Variants in TRHDE observed in about 807,000 individuals in gnomAD.
The protein encoded by TRHDE is thyrotropin releasing hormone degrading enzyme.
Under a neutral mutation model 125.7 loss-of-function variants are expected in TRHDE, and 72 were observed. The ratio of observed to expected loss-of-function variants is 0.57; its 90% CI spans 0.47 to 0.70. The LOEUF is 0.70. TRHDE is among the 30% of genes least tolerant of loss of function. The pLI is 0.00. For synonymous variants in TRHDE, 509 were observed against 509.1 expected (o/e 1.00, Z 0.00); for missense variants, 1,110 against 1,327.1 (o/e 0.84, Z 2.54).
chr12:72,512,119 G>C (rs752113044), intron 6 of TRHDE, among the ~76,000 whole-genome samples: 3 of 151,978 alleles, frequency 2.0e-5, no homozygotes, highest in Non-Finnish European at 2.9e-5. Context: ...CGCTGGCTTT[G>C]TGAGAGCCAA....
At chr12:72,167,646 T>C (rs1231367140) in intron 2 of TRHDE, 1 of 152,226 alleles carries the variant, frequency 6.6e-6, no homozygotes, top group East Asian at 1.9e-4. Flanking sequence ...GACTCATTTA[T>C]GACAGCATGT....
intron 6 of TRHDE, among the ~76,000 whole-genome samples, chr12:72,508,187 A>T (rs962677677): frequency 6.6e-6 from 1 of 152,124 alleles, no homozygotes; most frequent in African/African-American, 2.4e-5. Context: ...CCCACACAGA[A>T]TCCCCTCTGG....
chr12:72,381,053 C>T (rs1260981417), intron 3 of TRHDE, among the ~76,000 whole-genome samples: 1 of 152,104 alleles, frequency 6.6e-6, no homozygotes, highest in East Asian at 1.9e-4. Context: ...AACTTTGTCC[C>T]TCAGGTGCAT....
At chr12:72,322,549 TG>T (rs1238787094) in intron 2 of TRHDE, among the ~76,000 whole-genome samples, 2 of 152,110 alleles carry the variant, frequency 1.3e-5, no homozygotes, top group Non-Finnish European at 2.9e-5. Context: ...TATGTATTGA[TG>T]GGTTGACAAA....
At position 72,272,374 on chromosome 12, in the gene TRHDE, A is replaced by C; in HGVS notation, c.-270A>C. On this transcript the variant is annotated 5_prime_UTR_variant, in exon 1 of 19. Transcript: ENST00000261180. The surrounding 1 kb of genome is among the most constrained non-coding windows in gnomAD (Gnocchi z 6.7). Reference sequence around the variant, plus strand: ...CCCGCCGCCGGGTGCTCGTCCGAGAAGTAGCGCGCGCTGGGCAAGCAAGAC... The same window carrying C: ...CCCGCCGCCGGGTGCTCGTCCGAGACGTAGCGCGCGCTGGGCAAGCAAGAC... 3.0e-5 allele frequency: 11 copies of C among 368,064 alleles called. No homozygotes were observed. The highest frequency in any genetic ancestry group is 1.4e-4 in the East Asian group (2 of 14,470). 22.8% of individuals were successfully genotyped at this position (368,064 alleles called of 1,614,324 possible). A position where few individuals can be genotyped will look rare whatever the true frequency, so the allele number is the denominator to read the frequency against.
At chr12:72,248,787 G>T (rs1055807662) in intron 2 of TRHDE, among the ~76,000 whole-genome samples, 2 of 152,174 alleles carry the variant, frequency 1.3e-5, no homozygotes, top group Admixed American at 1.3e-4. Flanking sequence ...GCACAATTAA[G>T]GTGCAAATTC....
intron 2 of TRHDE, among the ~76,000 whole-genome samples, chr12:72,116,323 G>A (rs1227819426): frequency 6.6e-6 from 1 of 152,124 alleles, no homozygotes; most frequent in Admixed American, 6.6e-5. Flanking sequence ...ATAAACATAT[G>A]TGTGCATGTG....
chr12:72,545,205 A>G (rs191569174), intron 7 of TRHDE, among the ~76,000 whole-genome samples: 1 of 151,548 alleles, frequency 6.6e-6, no homozygotes, highest in Non-Finnish European at 1.5e-5. Flanking sequence ...AAATGCAAAA[A>G]TGTTTACATT....
intron 3 of TRHDE, among the ~76,000 whole-genome samples, chr12:72,436,328 T>C (rs1390731482): frequency 1.3e-5 from 2 of 152,020 alleles, no homozygotes; most frequent in African/African-American, 4.8e-5. Context: ...ATGACCAGAC[T>C]TATTTCTAAT....
intron 12 of TRHDE, among the ~76,000 whole-genome samples, chr12:72,607,895 C>T (rs1002047186): frequency 1.3e-5 from 2 of 152,108 alleles, no homozygotes; most frequent in Non-Finnish European, 2.9e-5. Context: ...AGAATACACT[C>T]TCAAAAGTAT....
chr12:72,477,463 C>T (rs770777406), intron 5 of TRHDE, among the ~76,000 whole-genome samples: 7 of 152,116 alleles, frequency 4.6e-5, no homozygotes, highest in Non-Finnish European at 7.4e-5. Context: ...TCATTAGAAA[C>T]GACCTCCTCA....
intron 2 of TRHDE, among the ~76,000 whole-genome samples, chr12:72,322,788 C>T (rs890763460): frequency 6.6e-6 from 1 of 152,102 alleles, no homozygotes; most frequent in Admixed American, 6.6e-5. Flanking sequence ...TCAGTGCTAG[C>T]TAGCTATATG....
At position 72,670,218 on chromosome 12, in the gene TRHDE, A is replaced by G. The variant is rs557649628; in HGVS notation, c.*7023A>G. On this transcript the variant is annotated 3_prime_UTR_variant, in exon 19 of 19. Transcript: ENST00000261180. ...TAAAAAGTAGCTGTTCTTTCAGTAA[A>G]TAAGTGTTAATAAAGCAGTGACCAA... 5 of 151,932 alleles carry G rather than the reference A, an allele frequency of 3.3e-5. No homozygotes were observed. The South Asian group carries it at 8.3e-4, about 25-fold the overall frequency. 9.4% of individuals were successfully genotyped at this position (151,932 alleles called of 1,614,324 possible).
At chr12:72,360,538 G>A (rs1376130511) in intron 2 of TRHDE, among the ~76,000 whole-genome samples, 1 of 151,702 alleles carries the variant, frequency 6.6e-6, no homozygotes, top group Non-Finnish European at 1.5e-5. Context: ...AACTAACCGT[G>A]GAACACTATT....
chr12:72,297,411 A>T (rs1356986787), intron 2 of TRHDE, among the ~76,000 whole-genome samples: 2 of 152,132 alleles, frequency 1.3e-5, no homozygotes, highest in African/African-American at 2.4e-5. Flanking sequence ...TAAGCCTGTT[A>T]TTGCAAAATT....
chr12:72,123,827 A>G (rs535602373), intron 2 of TRHDE, among the ~76,000 whole-genome samples: 13 of 152,210 alleles, frequency 8.5e-5, no homozygotes, highest in African/African-American at 3.1e-4. Context: ...ATGCCTCATT[A>G]CAATCATCCT....
chr12:72,349,762 T>C (rs2135738951), intron 2 of TRHDE, among the ~76,000 whole-genome samples: 1 of 152,146 alleles, frequency 6.6e-6, no homozygotes, highest in African/African-American at 2.4e-5. Context: ...AAAAAGAGCA[T>C]GGACTTCGAA....
chr12:72,641,728 C>T (rs1874070089), intron 15 of TRHDE, among the ~76,000 whole-genome samples: 1 of 152,170 alleles, frequency 6.6e-6, no homozygotes, highest in Admixed American at 6.5e-5. Flanking sequence ...TCTTTGGAGA[C>T]TGTCTTATTT....
intron 2 of TRHDE, among the ~76,000 whole-genome samples, chr12:72,321,542 A>G (rs1288398749): frequency 6.6e-6 from 1 of 152,282 alleles, no homozygotes; most frequent in East Asian, 1.9e-4. Flanking sequence ...TTGATGCTAC[A>G]TACATCTAAG....
Sources: gnomAD v4.1 joint callset for allele counts (sites outside exome capture counted in the v4.1 genomes callset) on GRCh38, gnomAD v4.1.1 for gene constraint, Gnocchi (gnomAD v3.1) non-coding constraint, MANE v1.5 for transcripts, NCBI Gene and HGNC (gene_info 2026-07-23, HGNC 2026-07-21) for gene names.